KIAA0825: variants seen among roughly 807,000 people sequenced by gnomAD.
KIAA0825 encodes the protein uncharacterized protein KIAA0825.
KIAA0825 carries 119 observed loss-of-function variants against 147.6 expected under a neutral mutation model. That is an observed-to-expected ratio of 0.81 (90% CI 0.69 to 0.94). The LOEUF is 0.94. KIAA0825 is among the 40% of genes least tolerant of loss of function. KIAA0825 has a pLI of 0.00. For missense variants in KIAA0825, 1,381 were observed against 1,472.7 expected, an observed-to-expected ratio of 0.94 and a Z score of 1.02; for synonymous variants, 470 against 518.1, an observed-to-expected ratio of 0.91 and a Z score of 1.26.
intron 20 of KIAA0825, among the ~76,000 whole-genome samples, chr5:94,219,886 C>G (rs1773533783): frequency 6.6e-6 from 1 of 152,094 alleles, no homozygotes; most frequent in Non-Finnish European, 1.5e-5. Flanking sequence ...TTACTGTACA[C>G]TACTGTAGAA....
chr5:94,286,369 A>G (rs1777664809), intron 20 of KIAA0825, among the ~76,000 whole-genome samples: 1 of 152,052 alleles, frequency 6.6e-6, no homozygotes, highest in African/African-American at 2.4e-5. Flanking sequence ...TGGCAATCCC[A>G]TACACACTTA....
chr5:94,542,249 C>G (rs1415269985), intron 2 of KIAA0825, among the ~76,000 whole-genome samples: 1 of 152,226 alleles, frequency 6.6e-6, no homozygotes, highest in Non-Finnish European at 1.5e-5. Flanking sequence ...CACGAGTTAA[C>G]TGCATTGACT....
intron 15 of KIAA0825, among the ~76,000 whole-genome samples, chr5:94,404,759 AC>A (rs1271882714): frequency 6.6e-6 from 1 of 152,182 alleles, no homozygotes; most frequent in African/African-American, 2.4e-5. Flanking sequence ...ACAAATGAAA[AC>A]AAAGGTTAGA....
rs527481834 is a variant in KIAA0825, at chr5:94,304,413, G to C, written c.3710+79955C>G. 7.9e-5 allele frequency among the ~76,000 whole-genome samples: 12 copies of C among 152,122 alleles called. No individual in the cohort carries two copies. In the East Asian group the frequency reaches 1.5e-3, roughly 20 times the overall value. On this transcript the variant is annotated intron_variant, in intron 20 of 20. Transcript: ENST00000682413. ...AGAGAGGGAATAATACGGCAGGTGAGGGGGGGTGACCCGTATCAACTAGAG... is the reference window on the plus strand; with the variant it reads ...AGAGAGGGAATAATACGGCAGGTGACGGGGGGTGACCCGTATCAACTAGAG...
intron 14 of KIAA0825, among the ~76,000 whole-genome samples, chr5:94,431,892 G>A (rs913057470): frequency 6.6e-6 from 1 of 152,258 alleles, no homozygotes; most frequent in Non-Finnish European, 1.5e-5. Context: ...AGATGAGCTG[G>A]ACAAGTTGGC....
chr5:94,402,773 T>C (rs1751551367), intron 16 of KIAA0825, among the ~76,000 whole-genome samples: 2 of 151,362 alleles, frequency 1.3e-5, no homozygotes, highest in Admixed American at 6.6e-5. Context: ...AAAGTTTCCT[T>C]AGAGTTAGTG....
At chr5:94,471,164 G>C (rs1396808155) in intron 9 of KIAA0825, among the ~76,000 whole-genome samples, 2 of 152,192 alleles carry the variant, frequency 1.3e-5, no homozygotes, top group Non-Finnish European at 2.9e-5. Context: ...ACGAAAGGGT[G>C]TGTTTATTCA....
intron 20 of KIAA0825, among the ~76,000 whole-genome samples, chr5:94,356,884 C>T (rs1485215450): frequency 6.6e-6 from 1 of 151,630 alleles, no homozygotes; most frequent in East Asian, 2.0e-4. Context: ...ACCACCACAC[C>T]CAGCTAATTT....
intron 20 of KIAA0825, among the ~76,000 whole-genome samples, chr5:94,193,602 T>C (rs1770870137): frequency 6.6e-6 from 1 of 152,202 alleles, no homozygotes; most frequent in Admixed American, 6.5e-5. Flanking sequence ...AATACTTACA[T>C]TGCACTGAAA....
intron 20 of KIAA0825, among the ~76,000 whole-genome samples, chr5:94,156,998 A>T (rs1262598160): frequency 6.6e-6 from 1 of 152,004 alleles, no homozygotes; most frequent in South Asian, 2.1e-4. Flanking sequence ...TAAAAAAAAA[A>T]TACTGAAAGA....
chr5:94,270,522 A>G (rs1307957670), intron 20 of KIAA0825, among the ~76,000 whole-genome samples: 1 of 151,894 alleles, frequency 6.6e-6, no homozygotes, highest in East Asian at 1.9e-4. Flanking sequence ...TTATAAGGCC[A>G]TAGTTTTTGG....
At position 94,455,201 on chromosome 5, in the gene KIAA0825, A is replaced by G. The variant is rs181765072; in HGVS notation, c.2247-2132T>C. Among the ~76,000 whole-genome samples, 173 of 152,224 alleles carry G rather than the reference A, an allele frequency of 1.1e-3. 5 individuals carry two copies. In the East Asian group the frequency reaches 0.031, roughly 27 times the overall value. On this transcript the variant is annotated intron_variant, in intron 12 of 20. Coordinates refer to ENST00000682413, the MANE Select transcript of KIAA0825 (RefSeq NM_001145678.3). ...ACACTACCCCCCAACCCCCCGCCAAAAAAAAGGAACGTAAGATGTAAAGAT... is the reference window on the plus strand; with the variant it reads ...ACACTACCCCCCAACCCCCCGCCAAGAAAAAGGAACGTAAGATGTAAAGAT...
intron 20 of KIAA0825, among the ~76,000 whole-genome samples, chr5:94,160,220 G>GT (rs1221189946): frequency 5.3e-5 from 8 of 152,012 alleles, no homozygotes; most frequent in South Asian, 2.1e-4. Context: ...ATATCCAGTT[G>GT]TTTTCTCACA....
intron 20 of KIAA0825, among the ~76,000 whole-genome samples, chr5:94,205,300 T>TATATATATATATATATATA (rs1554242872): frequency 5.5e-4 from 73 of 133,866 alleles, no homozygotes; most frequent in Non-Finnish European, 8.5e-4. Context: ...TATATATATA[T>TATATATATATATATATATA]TTTGTTTTGT....
At chr5:94,313,621 T>C (rs1779374290) in intron 20 of KIAA0825, among the ~76,000 whole-genome samples, 1 of 151,360 alleles carries the variant, frequency 6.6e-6, no homozygotes, top group East Asian at 1.9e-4. Context: ...AGGTTTCTTT[T>C]TTTTTTTTTG....
chr5:94,394,773 T>C (rs1433064929), intron 17 of KIAA0825, among the ~76,000 whole-genome samples: 2 of 152,178 alleles, frequency 1.3e-5, no homozygotes, highest in Non-Finnish European at 2.9e-5. Flanking sequence ...GATTAAAGCC[T>C]GTAAATTAGT....
At chr5:94,279,669 T>C (rs577066773) in intron 20 of KIAA0825, among the ~76,000 whole-genome samples, 12 of 152,012 alleles carry the variant, frequency 7.9e-5, no homozygotes, top group Non-Finnish European at 1.8e-4. Context: ...TTCCTTCCTT[T>C]CCATACTCTT....
At chr5:94,239,097 C>T (rs1328020912) in intron 20 of KIAA0825, among the ~76,000 whole-genome samples, 2 of 152,142 alleles carry the variant, frequency 1.3e-5, no homozygotes, top group African/African-American at 4.8e-5. Flanking sequence ...AGAATGCACT[C>T]TCATATTAAC....
chr5:94,541,273 C>T (rs1307728738), intron 2 of KIAA0825, among the ~76,000 whole-genome samples: 1 of 152,036 alleles, frequency 6.6e-6, no homozygotes, highest in Non-Finnish European at 1.5e-5. Context: ...ACACCTAGTA[C>T]AAAATTAAAA....
Sources: gnomAD v4.1 joint callset for allele counts (sites outside exome capture counted in the v4.1 genomes callset) on GRCh38, gnomAD v4.1.1 for gene constraint, MANE v1.5 for transcripts, NCBI Gene and HGNC (gene_info 2026-07-23, HGNC 2026-07-21) for gene names.